Variants in SLC25A51 observed in about 807,000 individuals in gnomAD.
SLC25A51 encodes mitochondrial nicotinamide adenine dinucleotide transporter SLC25A51.
A neutral mutation model predicts 19.1 loss-of-function variants in SLC25A51; 11 were observed. The observed-to-expected ratio is 0.58, with a 90% confidence interval of 0.36 to 0.96. SLC25A51 has a LOEUF of 0.96. Among genes scored for constraint, SLC25A51 ranks in the 40% least tolerant of loss-of-function variants. The pLI is 0.01. For synonymous variants in SLC25A51, 105 were observed against 133.6 expected (o/e 0.79, Z 1.47); for missense variants, 201 against 365.4 (o/e 0.55, Z 3.67).
At position 37,888,191 on chromosome 9, in the gene SLC25A51, G is replaced by C; in HGVS notation, c.360C>G (p.Thr120=). ...HKHVSAPEFA[T]SGVAAVLAGT... ...CTGCAAGCACTGCCGCCACGCCACT[G>C]GTTGCAAACTCTGGAGCACTGACAT... Residue 120 remains threonine (T), a synonymous_variant, in exon 3 of 3, where the codon ACC becomes ACG. Coordinates refer to ENST00000242275, the MANE Select transcript of SLC25A51 (RefSeq NM_033412.4). 6.2e-7 allele frequency: 1 copy of C among 1,614,064 alleles called. No homozygotes were observed. The highest frequency in any genetic ancestry group is 8.5e-7 in the Non-Finnish European group (1 of 1,179,944).
chr9:37,892,687 C>A (rs1831620457), intron 2 of SLC25A51, among the ~76,000 whole-genome samples: 1 of 151,874 alleles, frequency 6.6e-6, no homozygotes, highest in Non-Finnish European at 1.5e-5. Flanking sequence ...AATTCTCCCA[C>A]CTCAGCCCTC....
downstream of SLC25A51, among the ~76,000 whole-genome samples, chr9:37,882,626 C>T (rs979838697): frequency 6.6e-6 from 1 of 152,162 alleles, no homozygotes; most frequent in Non-Finnish European, 1.5e-5. Context: ...CACACATATT[C>T]GCCACCATAT....
downstream of SLC25A51, chr9:37,887,531 C>T (rs928220146): frequency 2.1e-5 from 24 of 1,149,330 alleles, no homozygotes; most frequent in Non-Finnish European, 2.9e-5. Context: ...CTACTCCCCA[C>T]ACCCAGTTGA....
At chr9:37,887,436 GA>G (rs1714115365), downstream of SLC25A51, among the ~76,000 whole-genome samples, 1 of 152,086 alleles carries the variant, frequency 6.6e-6, no homozygotes, top group Admixed American at 6.6e-5. Flanking sequence ...TGAGGATTGA[GA>G]AGGGGTGAAT....
intron 2 of SLC25A51, among the ~76,000 whole-genome samples, chr9:37,890,323 G>A (rs1831555000): frequency 6.6e-6 from 1 of 152,184 alleles, no homozygotes; most frequent in East Asian, 1.9e-4. Context: ...GGTCAAGGCT[G>A]CAGTGAGCCA....
intron 2 of SLC25A51, among the ~76,000 whole-genome samples, chr9:37,891,407 G>A (rs538906734): frequency 8.5e-5 from 13 of 152,188 alleles, no homozygotes; most frequent in Middle Eastern, 3.2e-3. Context: ...CGGTTTTGTC[G>A]AATAGAAAAG....
rs3865395 is a variant in SLC25A51 at position 37,888,160 on chromosome 9, T to C, written c.391A>G (p.Thr131Ala). ...SGVAAVLAGTTEAIFTPLERV... is the reference protein window; with the variant it reads ...SGVAAVLAGTAEAIFTPLERV... ...TCCAGTGGAGTGAAAATTGCTTCTG[T>C]TGTCCCTGCAAGCACTGCCGCCACG... Residue 131 changes from threonine (T) to alanine (A), a missense_variant, in exon 3 of 3, where the codon ACA becomes GCA. Transcript: ENST00000242275. The C allele has an allele frequency of 6.2e-7, 1 of 1,613,986 alleles. No individual in the cohort carries two copies. The highest frequency in any genetic ancestry group is 8.5e-7 in the Non-Finnish European group (1 of 1,179,868).
rs771603388 is a variant in SLC25A51, at chr9:37,888,003, T to C, written c.548A>G (p.Asn183Ser). ...GAAAAACAAGACATTGCTGAGTCCA[T>C]TCCGGAAAAGAATGGGCACCAAGCC... The part of the protein sequence containing the change: ...YRGLVPILFR[N>S]GLSNVLFFGL... The change falls in exon 3 of 3, where the codon AAT becomes AGT. Residue 183 changes from asparagine (N) to serine (S), a missense_variant. Physicochemically the swap from Asn to Ser is conservative, Grantham distance 46. Transcript: ENST00000242275. The C allele has an allele frequency of 1.9e-6, 3 of 1,612,226 alleles. No individual in the cohort carries two copies. In the Admixed American group the frequency reaches 5.0e-5, roughly 27 times the overall value.
intron 1 of SLC25A51, among the ~76,000 whole-genome samples, chr9:37,902,171 T>A (rs1217531008): frequency 6.6e-6 from 1 of 152,238 alleles, no homozygotes; most frequent in Non-Finnish European, 1.5e-5. Context: ...GTTATTTGTG[T>A]ACTTGAACAA....
intron 2 of SLC25A51, among the ~76,000 whole-genome samples, chr9:37,896,746 A>C (rs1475229080): frequency 1.3e-5 from 2 of 152,216 alleles, no homozygotes; most frequent in African/African-American, 2.4e-5. Context: ...CAGTGAGCCG[A>C]GATTGCACCA....
chr9:37,900,041 T>C (rs1432608412), intron 1 of SLC25A51, 91 bp from the exon 2 acceptor site: 1 of 142,148 alleles, frequency 7.0e-6, no homozygotes, highest in Admixed American at 7.3e-5. Flanking sequence ...TCTCACTATG[T>C]TGTCAACGGT....
rs745423034 is a variant in SLC25A51 at position 37,887,999 on chromosome 9, T to A, written c.552A>T (p.Gly184=). 5.0e-6 allele frequency: 8 copies of A among 1,612,056 alleles called. No individual in the cohort carries two copies. Among genetic ancestry groups the A allele is most frequent in the Non-Finnish European group, 6.8e-6 (8 of 1,179,862 alleles). ...GGCCGAAAAACAAGACATTGCTGAG[T>A]CCATTCCGGAAAAGAATGGGCACCA... ...RGLVPILFRN[G]LSNVLFFGLR... The change falls in exon 3 of 3, where the codon GGA becomes GGT. Residue 184 remains glycine (G), a synonymous_variant. Transcript: ENST00000242275.
At chr9:37,884,471 C>T (rs1831407670), downstream of SLC25A51, among the ~76,000 whole-genome samples, 1 of 152,086 alleles carries the variant, frequency 6.6e-6, no homozygotes, top group Non-Finnish European at 1.5e-5. Context: ...TCTCTATTTC[C>T]AAGAGTAAAA....
At chr9:37,883,048 T>C (rs1232335900), downstream of SLC25A51, among the ~76,000 whole-genome samples, 1 of 152,248 alleles carries the variant, frequency 6.6e-6, no homozygotes, top group Non-Finnish European at 1.5e-5. Flanking sequence ...TTTCGCCATG[T>C]TGGCCAGGCT....
At position 37,887,641 on chromosome 9, in the gene SLC25A51, T is replaced by C. The variant is rs747358827; in HGVS notation, c.*16A>G. On this transcript the variant is annotated 3_prime_UTR_variant, in exon 3 of 3. Coordinates refer to ENST00000242275, the MANE Select transcript of SLC25A51 (RefSeq NM_033412.4). ...GGTCTATTCAGTTGATAAATGGCACTTAACTGATGGTTTTTTCATATAACC... is the reference window on the plus strand; with the variant it reads ...GGTCTATTCAGTTGATAAATGGCACCTAACTGATGGTTTTTTCATATAACC... The C allele has an allele frequency of 2.5e-6, 4 of 1,599,444 alleles. No individual in the cohort carries two copies. The highest frequency in any genetic ancestry group is 3.4e-6 in the Non-Finnish European group (4 of 1,173,914).
downstream of SLC25A51, chr9:37,886,207 CAAGA>C: frequency 1.3e-6 from 2 of 1,564,952 alleles, no homozygotes; most frequent in East Asian, 2.2e-5. Context: ...CACAGACTGA[CAAGA>C]AAGGACGGGC....
intron 1 of SLC25A51, among the ~76,000 whole-genome samples, chr9:37,901,715 C>T (rs1831852145): frequency 6.6e-6 from 1 of 152,158 alleles, no homozygotes; most frequent in South Asian, 2.1e-4. Context: ...TCCCTCTCTC[C>T]TCTCCCTTTC....
At chr9:37,903,370 T>A (rs1448030030) in intron 1 of SLC25A51, among the ~76,000 whole-genome samples, 1 of 152,204 alleles carries the variant, frequency 6.6e-6, no homozygotes, top group East Asian at 1.9e-4. Context: ...GTTGAGGTGC[T>A]GACATACTCC....
At chr9:37,882,990 T>A (rs1831378536), downstream of SLC25A51, among the ~76,000 whole-genome samples, 1 of 152,182 alleles carries the variant, frequency 6.6e-6, no homozygotes, top group African/African-American at 2.4e-5. Flanking sequence ...ATCACAGGCA[T>A]GTGCCACCAT....
Sources: gnomAD v4.1 joint callset for allele counts (sites outside exome capture counted in the v4.1 genomes callset) on GRCh38, gnomAD v4.1.1 for gene constraint, MANE v1.5 for transcripts, NCBI Gene and HGNC (gene_info 2026-07-23, HGNC 2026-07-21) for gene names.